The following CTNNA1 variants were observed in gnomAD, a reference collection of about 807,000 sequenced individuals.
CTNNA1 encodes the protein catenin alpha 1, also known as catenin alpha-1.
CTNNA1 carries 37 observed loss-of-function variants against 98.4 expected under a neutral mutation model. The ratio of observed to expected loss-of-function variants is 0.38; its 90% CI spans 0.29 to 0.49. CTNNA1 has a LOEUF of 0.49. Ranked by LOEUF, CTNNA1 falls within the 20% of genes least tolerant of loss-of-function variation. CTNNA1 has a pLI of 0.95. For synonymous variants in CTNNA1, 404 were observed against 413.2 expected (o/e 0.98, Z 0.27); for missense variants, 761 against 1,147.2 (o/e 0.66, Z 4.86).
At chr5:138,838,779 T>C (rs1266224881) in intron 7 of CTNNA1, among the ~76,000 whole-genome samples, 3 of 152,118 alleles carry the variant, frequency 2.0e-5, no homozygotes, top group African/African-American at 7.2e-5. Flanking sequence ...AAAATTATTT[T>C]TATTTTTTTG....
In CTNNA1 at chr5:138,786,232, T is replaced by C. The variant is rs541598857; in HGVS notation, c.301+2860T>C. Among the ~76,000 whole-genome samples the C allele has an allele frequency of 2.6e-5, 4 of 152,338 alleles. No individual in the cohort carries two copies. The East Asian group carries it at 5.8e-4, about 22-fold the overall frequency. ...AAATATAACTTCCTCCCATCATCAT[T>C]ATTGCATCAGATATGAAAAGCTGAA... On this transcript the variant is annotated intron_variant, in intron 3 of 17. Coordinates refer to ENST00000302763, the MANE Select transcript of CTNNA1 (RefSeq NM_001903.5).
intron 6 of CTNNA1, among the ~76,000 whole-genome samples, chr5:138,825,347 A>G (rs1018050033): frequency 6.6e-6 from 1 of 152,248 alleles, no homozygotes; most frequent in African/African-American, 2.4e-5. Flanking sequence ...GCATAATGCC[A>G]TAATTACTTT....
chr5:138,856,619 G>T (rs1372503735), intron 7 of CTNNA1, among the ~76,000 whole-genome samples: 2 of 152,214 alleles, frequency 1.3e-5, no homozygotes, highest in African/African-American at 4.8e-5. Context: ...TGGTATTACA[G>T]ACAGGAGCCA....
chr5:138,794,111 G>A (rs1396333852), intron 3 of CTNNA1, among the ~76,000 whole-genome samples: 2 of 150,434 alleles, frequency 1.3e-5, no homozygotes, highest in African/African-American at 2.5e-5. Context: ...TCCGCCTCCC[G>A]GGTTCAAGTG....
rs369706145 is a variant in CTNNA1, at chr5:138,885,179, C to T, written c.1063-1033C>T. Among the ~76,000 whole-genome samples, 32 of 152,206 alleles carry T rather than the reference C, an allele frequency of 2.1e-4. 1 individual carries two copies. The South Asian group carries it at 6.0e-3, about 29-fold the overall frequency. ...GTGAATAACAAATGTACATTAAAGGCACTTAGTAAACAGATCTCCCCATTC... is the reference window on the plus strand; with the variant it reads ...GTGAATAACAAATGTACATTAAAGGTACTTAGTAAACAGATCTCCCCATTC... On this transcript the variant is annotated intron_variant, in intron 7 of 17. Transcript: ENST00000302763.
chr5:138,832,651 A>G lies in CTNNA1; in HGVS notation c.1062+4933A>G, dbSNP rs553324968. 1.3e-3 allele frequency among the ~76,000 whole-genome samples: 203 copies of G among 152,254 alleles called. 1 individual carries two copies. The highest frequency in any genetic ancestry group is 2.5e-3 in the Non-Finnish European group (171 of 68,002). ...ATACCACTACTATTAGCATTTAGGG[A>G]TATATATTTTCAGGTTTTTTTCTTT... On this transcript the variant is annotated intron_variant, in intron 7 of 17. Coordinates refer to ENST00000302763, the MANE Select transcript of CTNNA1 (RefSeq NM_001903.5).
intron 13 of CTNNA1, among the ~76,000 whole-genome samples, chr5:138,926,239 T>C (rs189932252): frequency 1.2e-4 from 18 of 152,312 alleles, no homozygotes; most frequent in African/African-American, 3.8e-4. Flanking sequence ...GTCCTCCCCA[T>C]GTGTCACTCA....
Position 138,849,333 on chromosome 5 carries a change from A to G in CTNNA1, c.1062+21615A>G, listed in dbSNP as rs149198445. On this transcript the variant is annotated intron_variant, in intron 7 of 17. Transcript: ENST00000302763. ...GGGTTTTGTTGTTTTTGTTTTAACA[A>G]ACCCACTATCTCATTGTTTAAGAGA... Among the ~76,000 whole-genome samples, 444 of 152,344 alleles carry G rather than the reference A, an allele frequency of 2.9e-3. 3 individuals are homozygous for G. The highest frequency in any genetic ancestry group is 0.01 in the African/African-American group (417 of 41,576).
At chr5:138,915,959 G>A (rs569887901) in intron 10 of CTNNA1, among the ~76,000 whole-genome samples, 13 of 152,208 alleles carry the variant, frequency 8.5e-5, no homozygotes, top group African/African-American at 3.1e-4. Flanking sequence ...TAAGACACAA[G>A]AATCGCTTGA....
chr5:138,767,399 C>T (rs546261666), intron 1 of CTNNA1, among the ~76,000 whole-genome samples: 21 of 152,098 alleles, frequency 1.4e-4, no homozygotes, highest in Admixed American at 3.9e-4. Flanking sequence ...CTATTTTTCA[C>T]TCACTGTGGT....
chr5:138,839,349 C>T (rs557173214), intron 7 of CTNNA1, among the ~76,000 whole-genome samples: 59 of 152,064 alleles, frequency 3.9e-4, no homozygotes, highest in South Asian at 1.0e-3. Flanking sequence ...TACAGGCACC[C>T]GCCATCACGC....
At chr5:138,839,224 A>C (rs1435813534) in intron 7 of CTNNA1, among the ~76,000 whole-genome samples, 1 of 147,646 alleles carries the variant, frequency 6.8e-6, no homozygotes, top group East Asian at 2.0e-4. Flanking sequence ...TCTGCTTTTT[A>C]TTTTTTTTTT....
In CTNNA1 at chr5:138,900,896, A is replaced by C. The variant is rs1757889201; in HGVS notation, c.1297-3453A>C. On this transcript the variant is annotated intron_variant, in intron 9 of 17. Coordinates refer to ENST00000302763, the MANE Select transcript of CTNNA1 (RefSeq NM_001903.5). ...TCCACACAGTAGGCACAGATGGTAC[A>C]AAAGAGGGCTGCCTGATCTCAAACT... Among the ~76,000 whole-genome samples the C allele has an allele frequency of 1.3e-5, 2 of 152,332 alleles. 1 individual carries two copies. The highest frequency in any genetic ancestry group is 4.8e-5 in the African/African-American group (2 of 41,574).
chr5:138,824,111 G>A (rs114471247), intron 5 of CTNNA1, among the ~76,000 whole-genome samples: 1,778 of 152,092 alleles, frequency 0.012, 29 homozygotes, highest in African/African-American at 0.041. Flanking sequence ...TAATCAAGAT[G>A]CTAGGCAGTT....
intron 10 of CTNNA1, among the ~76,000 whole-genome samples, chr5:138,915,255 A>G (rs953554842): frequency 1.3e-5 from 2 of 152,218 alleles, no homozygotes; most frequent in Non-Finnish European, 2.9e-5. Flanking sequence ...TACTACTCTC[A>G]TTATTCACTT....
Position 138,930,475 on chromosome 5 carries a change from G to T in CTNNA1, c.2013G>T (p.Ala671=), listed in dbSNP as rs28363488. 2.1e-5 allele frequency: 34 copies of T among 1,610,340 alleles called. No homozygotes were observed. Among genetic ancestry groups the T allele is most frequent in the Non-Finnish European group, 2.8e-5 (33 of 1,177,942 alleles). ...GCTCTTTGTGCTTCTGATCACAGGC[G>T]ATCATGGCTCAGCTTCCCCAGGAGC... is the stretch of plus-strand genomic sequence containing the variant. ...DQLIAGQSAR[A]IMAQLPQEQK... is the part of the protein sequence containing the mutation. Residue 671 remains alanine (A), a splice_region_variant and synonymous_variant, in exon 15 of 18, where the codon GCG becomes GCT. Transcript: ENST00000302763.
At position 138,887,637 on chromosome 5, in the gene CTNNA1, A is replaced by G. The variant is rs754174029; in HGVS notation, c.1291A>G (p.Ile431Val). The G allele has an allele frequency of 1.5e-5, 24 of 1,609,068 alleles. No homozygotes were observed. The highest frequency in any genetic ancestry group is 2.0e-5 in the Non-Finnish European group (23 of 1,178,468). The change falls in exon 9 of 18, where the codon ATT (isoleucine) becomes GTT (valine). Residue 431 changes from isoleucine to valine, a missense_variant. This residue lies in a region of CTNNA1 where 287 missense variants were observed against 436.0 expected (regional missense o/e 0.66). Transcript: ENST00000302763. ...QVFREHANKLIEVANLACSIS... is the reference protein window; with the variant it reads ...QVFREHANKLVEVANLACSIS... ...TTTCCGTGAACATGCCAACAAATTG[A>G]TTGAGGTAAGTGAATTAGCAGTTTC...
chr5:138,853,343 G>A (rs1763415077), intron 7 of CTNNA1, among the ~76,000 whole-genome samples: 1 of 152,026 alleles, frequency 6.6e-6, no homozygotes, highest in African/African-American at 2.4e-5. Context: ...TTTTTATGAA[G>A]TGTCTGTTTG....
At position 138,886,211 on chromosome 5, in the gene CTNNA1, G is replaced by A; in HGVS notation, c.1063-1G>A. 6.2e-7 allele frequency: 1 copy of A among 1,608,534 alleles called. No individual in the cohort carries two copies. On this transcript the variant is annotated splice_acceptor_variant, in intron 7 of 17. Coordinates refer to ENST00000302763, the MANE Select transcript of CTNNA1 (RefSeq NM_001903.5). LOFTEE classifies it high-confidence loss of function. ...TGCTCATCTCTTTTCCTTTTATCCAGGCTGGACGTAAAGAAAGAAGTGATG... is the reference window on the plus strand; with the variant it reads ...TGCTCATCTCTTTTCCTTTTATCCAAGCTGGACGTAAAGAAAGAAGTGATG...
Sources: allele counts gnomAD v4.1 joint callset (sites outside exome capture counted in the v4.1 genomes callset), GRCh38; gene constraint gnomAD v4.1.1; regional missense constraint gnomAD v4.1.1; transcripts MANE v1.5; gene names NCBI Gene and HGNC (gene_info 2026-07-23, HGNC 2026-07-21).